ASB17: variants seen among roughly 807,000 people sequenced by gnomAD.
ASB17 encodes ankyrin repeat and SOCS box protein 17.
A neutral mutation model predicts 25.7 loss-of-function variants in ASB17; 26 were observed. The observed-to-expected ratio is 1.01, with a 90% CI of 0.74 to 1.40. ASB17 has a LOEUF of 1.40. Ranked by LOEUF, ASB17 falls within the 40% of genes most tolerant of loss-of-function variation. ASB17 has a pLI of 0.00. For synonymous variants in ASB17, 128 were observed against 121.4 expected (o/e 1.05, Z -0.36); for missense variants, 326 against 338.5 (o/e 0.96, Z 0.29).
At chr1:75,927,314 C>T (rs1653198594) in intron 1 of ASB17, among the ~76,000 whole-genome samples, 5 of 147,902 alleles carry the variant, frequency 3.4e-5, no homozygotes, top group Admixed American at 3.4e-4. Flanking sequence ...TTTGTTGCAG[C>T]AGCAACAGGA....
Position 75,931,998 on chromosome 1 carries a change from C to G in ASB17, c.294G>C (p.Leu98=). 6.2e-7 allele frequency: 1 copy of G among 1,614,088 alleles called. No homozygotes were observed. The highest frequency in any genetic ancestry group is 8.5e-7 in the Non-Finnish European group (1 of 1,179,982). ...TACCTTTTCTGGCAAAAACCCAGTA[C>G]AGAATTGTATTCACACATATTTCAG... ...DFTEICVNTI[L]YWVFARKGNP... is the part of the protein sequence containing the mutation. The change falls in exon 1 of 3, where the codon CTG becomes CTC. Residue 98 remains leucine, a synonymous_variant. Coordinates refer to ENST00000284142, the MANE Select transcript of ASB17 (RefSeq NM_080868.3).
chr1:75,922,488 CTT>C (rs3037164), intron 1 of ASB17, 129 bp from the exon 2 acceptor site: 792 of 121,948 alleles, frequency 6.5e-3, no homozygotes, highest in South Asian at 0.016. Flanking sequence ...TTATATGTTT[CTT>C]TTTTTTTTTT....
intron 1 of ASB17, among the ~76,000 whole-genome samples, chr1:75,926,453 G>A (rs556608869): frequency 3.3e-4 from 51 of 152,310 alleles, no homozygotes; most frequent in African/African-American, 1.2e-3. Context: ...GCCCTATGGC[G>A]GGAGACTGTG....
At chr1:75,924,914 C>T (rs1196110932) in intron 1 of ASB17, among the ~76,000 whole-genome samples, 1 of 151,988 alleles carries the variant, frequency 6.6e-6, no homozygotes, top group Non-Finnish European at 1.5e-5. Flanking sequence ...TCTCATACTC[C>T]TCAGGGCACT....
chr1:75,919,510 A>G (rs2100606488), intron 2 of ASB17, among the ~76,000 whole-genome samples: 1 of 152,162 alleles, frequency 6.6e-6, no homozygotes, highest in East Asian at 1.9e-4. Flanking sequence ...AGCATTAGGT[A>G]TATCTCCTAA....
intron 1 of ASB17, among the ~76,000 whole-genome samples, chr1:75,927,320 C>T (rs1226255934): frequency 6.7e-6 from 1 of 149,068 alleles, no homozygotes; most frequent in Non-Finnish European, 1.5e-5. Flanking sequence ...GCAGCAGCAA[C>T]AGGAAACTAA....
At chr1:75,919,360 T>C (rs1299981793) in intron 2 of ASB17, among the ~76,000 whole-genome samples, 1 of 152,132 alleles carries the variant, frequency 6.6e-6, no homozygotes, top group Non-Finnish European at 1.5e-5. Context: ...AAATAATCTA[T>C]ATGTCTAAGG....
intron 2 of ASB17, 98 bp from the exon 3 acceptor site, chr1:75,919,256 C>T: frequency 1.2e-6 from 1 of 860,332 alleles, no homozygotes; most frequent in Non-Finnish European, 1.7e-6. Flanking sequence ...AGAAAATAGA[C>T]CATAAATTTA....
chr1:75,929,403 T>G (rs1653263627), intron 1 of ASB17, among the ~76,000 whole-genome samples: 1 of 151,534 alleles, frequency 6.6e-6, no homozygotes, highest in Non-Finnish European at 1.5e-5. Context: ...TTTTTTTTTT[T>G]TGTATTTTTA....
chr1:75,930,332 A>G (rs1653290878), intron 1 of ASB17, among the ~76,000 whole-genome samples: 1 of 146,488 alleles, frequency 6.8e-6, no homozygotes, highest in Admixed American at 6.9e-5. Context: ...AACTACATAT[A>G]AATATAAATA....
intron 1 of ASB17, among the ~76,000 whole-genome samples, chr1:75,922,868 C>G (rs1220172842): frequency 6.6e-6 from 1 of 152,118 alleles, no homozygotes; most frequent in Admixed American, 6.5e-5. Context: ...AAACTCCTAC[C>G]AAACACTTAA....
chr1:75,920,825 A>G (rs956690263), intron 2 of ASB17, among the ~76,000 whole-genome samples: 1 of 151,684 alleles, frequency 6.6e-6, no homozygotes, highest in African/African-American at 2.4e-5. Flanking sequence ...CCCAGGCCAG[A>G]GTGCAGTGGT....
intron 1 of ASB17, among the ~76,000 whole-genome samples, chr1:75,925,729 C>CA (rs1436005426): frequency 1.3e-5 from 2 of 152,258 alleles, no homozygotes; most frequent in African/African-American, 2.4e-5. Context: ...ATAATATTTC[C>CA]ATACAGACAT....
At position 75,932,325 on chromosome 1, in the gene ASB17, A is replaced by T. The variant is rs1019359048; in HGVS notation, c.-34T>A. 1 of 1,540,078 alleles carries T rather than the reference A, an allele frequency of 6.5e-7. No homozygotes were observed. The highest frequency in any genetic ancestry group is 8.8e-7 in the Non-Finnish European group (1 of 1,140,000). On this transcript the variant is annotated 5_prime_UTR_variant, in exon 1 of 3. Transcript: ENST00000284142. ...ATAGCAGCACTGTAGAAATAAAATC[A>T]GAGGTAAGCATACTGTAATCCTCCA...
At chr1:75,926,292 G>A (rs1419940201) in intron 1 of ASB17, among the ~76,000 whole-genome samples, 2 of 152,202 alleles carry the variant, frequency 1.3e-5, no homozygotes, top group African/African-American at 4.8e-5. Context: ...AATAAGTAGA[G>A]CAGAATAAGA....
chr1:75,919,119 A>C lies in ASB17; in HGVS notation c.721T>G (p.Trp241Gly). ...SLGRHPIISNWFDYIPSTRYK... is the reference protein window; with the variant it reads ...SLGRHPIISNGFDYIPSTRYK... Reference sequence around the variant, plus strand: ...CTTGTTGAAGGAATGTAATCAAACCAATTTGAAATAATTGGATGTCTTCCT... The same window carrying C: ...CTTGTTGAAGGAATGTAATCAAACCCATTTGAAATAATTGGATGTCTTCCT... The change falls in exon 3 of 3, where the codon TGG becomes GGG. Residue 241 changes from tryptophan (W) to glycine (G), a missense_variant. Trp to Gly is a radical substitution (Grantham distance 184). Coordinates refer to ENST00000284142, the MANE Select transcript of ASB17 (RefSeq NM_080868.3). The C allele has an allele frequency of 6.2e-7, 1 of 1,612,926 alleles. No homozygotes were observed. The highest frequency in any genetic ancestry group is 8.5e-7 in the Non-Finnish European group (1 of 1,179,524).
chr1:75,921,854 A>G (rs1178235959), intron 2 of ASB17, among the ~76,000 whole-genome samples: 4 of 152,214 alleles, frequency 2.6e-5, no homozygotes, highest in African/African-American at 4.8e-5. Flanking sequence ...ACTTAATACT[A>G]AAATGAACTA....
At chr1:75,931,351 A>G (rs1251800163) in intron 1 of ASB17, among the ~76,000 whole-genome samples, 1 of 152,208 alleles carries the variant, frequency 6.6e-6, no homozygotes, top group Non-Finnish European at 1.5e-5. Flanking sequence ...AGGTAGATTG[A>G]CATGTGAACA....
chr1:75,931,853 T>C, intron 1 of ASB17, 38 bp downstream of exon 1: 1 of 1,512,524 alleles, frequency 6.6e-7, no homozygotes, highest in South Asian at 1.4e-5. Context: ...TAAAGATAAA[T>C]TTTCTTGTTC....
Sources: gnomAD v4.1 joint callset for allele counts (sites outside exome capture counted in the v4.1 genomes callset) on GRCh38, gnomAD v4.1.1 for gene constraint, MANE v1.5 for transcripts, NCBI Gene and HGNC (gene_info 2026-07-23, HGNC 2026-07-21) for gene names.